The following NAA25 variants were observed in gnomAD, a reference collection of about 807,000 sequenced individuals.
The protein encoded by NAA25 is N-alpha-acetyltransferase 25, NatB auxiliary subunit, also known as N-terminal acetyltransferase B complex subunit NAA25.
In NAA25, 30 loss-of-function variants were observed where a neutral mutation model predicts 132.5. The ratio of observed to expected loss-of-function variants is 0.23; its 90% CI spans 0.17 to 0.31. The LOEUF (loss-of-function observed/expected upper bound fraction) is 0.31. NAA25 is among the 10% of genes least tolerant of loss of function. The probability of loss-of-function intolerance (pLI) is 1.00; values close to 1 mark genes in which losing one functional copy is unlikely to be tolerated. For missense variants in NAA25, 771 were observed against 1,150.4 expected (o/e 0.67, Z 4.77); for synonymous variants, 359 against 401.9 (o/e 0.89, Z 1.28).
intron 1 of NAA25, among the ~76,000 whole-genome samples, chr12:112,094,248 A>C (rs2079181237): frequency 7.5e-6 from 1 of 132,556 alleles, no homozygotes; most frequent in Non-Finnish European, 1.7e-5. Flanking sequence ...CTCAAAAAAA[A>C]AAAAAAAAAA....
At chr12:112,087,897 CATT>C in intron 3 of NAA25, 96 bp from the exon 4 acceptor site, 2 of 762,160 alleles carry the variant, frequency 2.6e-6, no homozygotes, top group South Asian at 1.6e-5. Context: ...TGTCTCCTAT[CATT>C]ATAGAAGAAG....
At chr12:112,086,096 AC>A (rs1318778207) in intron 4 of NAA25, among the ~76,000 whole-genome samples, 3 of 133,404 alleles carry the variant, frequency 2.2e-5, no homozygotes, top group African/African-American at 9.1e-5. Context: ...ACACACACAC[AC>A]ACACACCCAT....
At chr12:112,083,366 G>A (rs542937922) in intron 4 of NAA25, among the ~76,000 whole-genome samples, 26 of 152,216 alleles carry the variant, frequency 1.7e-4, no homozygotes, top group African/African-American at 5.8e-4. Context: ...TTAACTGGGC[G>A]TGGTGGTGGG....
At chr12:112,053,693 G>A (rs1230405297) in intron 14 of NAA25, 36 bp from the exon 15 acceptor site, 1 of 1,464,690 alleles carries the variant, frequency 6.8e-7, no homozygotes, top group Non-Finnish European at 9.5e-7. Flanking sequence ...AAAAAGACAT[G>A]TTATACTTAC....
intron 17 of NAA25, 85 bp downstream of exon 17, chr12:112,047,580 G>A: frequency 6.8e-7 from 1 of 1,479,064 alleles, no homozygotes; most frequent in Non-Finnish European, 9.2e-7. Flanking sequence ...GTTCGAAGCT[G>A]CAGTGAGCTA....
chr12:112,030,269 C>T (rs1233966811), intron 23 of NAA25, among the ~76,000 whole-genome samples: 1 of 134,420 alleles, frequency 7.4e-6, no homozygotes, highest in African/African-American at 2.7e-5. Context: ...CTGATCACTA[C>T]TTTTTAATCA....
chr12:112,057,259 TACTTTC>T (rs1202454957), intron 13 of NAA25, among the ~76,000 whole-genome samples: 2 of 152,176 alleles, frequency 1.3e-5, no homozygotes, highest in Non-Finnish European at 2.9e-5. Context: ...TTGTGTAAAG[TACTTTC>T]ACATGCCTAA....
intron 16 of NAA25, among the ~76,000 whole-genome samples, 166 bp from the exon 17 acceptor site, chr12:112,047,956 A>G (rs560775491): frequency 3.3e-5 from 5 of 152,348 alleles, no homozygotes; most frequent in African/African-American, 1.2e-4. Flanking sequence ...CTACATGGCA[A>G]GAAAAAGGCT....
intron 23 of NAA25, among the ~76,000 whole-genome samples, chr12:112,030,056 T>C (rs1471494852): frequency 6.6e-6 from 1 of 151,536 alleles, no homozygotes; most frequent in Admixed American, 6.6e-5. Flanking sequence ...CTACTAAAAA[T>C]ACAAAACTTA....
At chr12:112,088,567 CT>C (rs1279851475) in intron 3 of NAA25, among the ~76,000 whole-genome samples, 1 of 151,122 alleles carries the variant, frequency 6.6e-6, no homozygotes, top group South Asian at 2.1e-4. Context: ...ATGTAGTATA[CT>C]GTCTAGTGAT....
At chr12:112,058,651 G>A (rs1037224920) in intron 13 of NAA25, among the ~76,000 whole-genome samples, 4 of 152,316 alleles carry the variant, frequency 2.6e-5, no homozygotes, top group Middle Eastern at 3.4e-3. Flanking sequence ...AAGGCTGGGT[G>A]CAGTGGCTCA....
chr12:112,080,939 G>A lies in NAA25; in HGVS notation c.477+121C>T, dbSNP rs985482168. On this transcript the variant is annotated intron_variant, in intron 5 of 23. Coordinates refer to ENST00000261745, the MANE Select transcript of NAA25 (RefSeq NM_024953.4). ...GCTATGATTGCACCACTGCACTCCT[G>A]CCTGGGTGACAGCGTGACCCTGTCT... The A allele has an allele frequency of 4.8e-6, 4 of 840,234 alleles. No individual in the cohort carries two copies. In the African/African-American group the frequency reaches 5.1e-5, roughly 11 times the overall value. The allele number at this position is 840,234 out of a possible 1,614,324, so 52.0% of individuals were successfully genotyped here.
At chr12:112,098,810 T>C (rs1045524793) in intron 1 of NAA25, among the ~76,000 whole-genome samples, 1 of 152,058 alleles carries the variant, frequency 6.6e-6, no homozygotes, top group Non-Finnish European at 1.5e-5. Flanking sequence ...CAGGCTAGAG[T>C]GCAGTTGCGC....
intron 1 of NAA25, among the ~76,000 whole-genome samples, chr12:112,100,535 C>G (rs2079278400): frequency 1.3e-5 from 2 of 151,928 alleles, no homozygotes; most frequent in African/African-American, 4.8e-5. Flanking sequence ...CACACCTTAT[C>G]ACTCTACTCC....
intron 10 of NAA25, among the ~76,000 whole-genome samples, chr12:112,069,896 G>A (rs1354656356): frequency 2.6e-5 from 4 of 151,926 alleles, no homozygotes; most frequent in Non-Finnish European, 5.9e-5. Context: ...GGGAGGCCAA[G>A]GTAGGGAGAT....
intron 22 of NAA25, among the ~76,000 whole-genome samples, chr12:112,038,516 C>T (rs1341779409): frequency 6.6e-6 from 1 of 152,070 alleles, no homozygotes; most frequent in Non-Finnish European, 1.5e-5. Flanking sequence ...AATTGATAAT[C>T]CAGGTAAAGA....
At chr12:112,042,512 T>A (rs552407344) in intron 19 of NAA25, among the ~76,000 whole-genome samples, 20 of 151,278 alleles carry the variant, frequency 1.3e-4, no homozygotes, top group East Asian at 3.9e-4. Context: ...TATTTTTATT[T>A]TTTTTTTTTT....
chr12:112,049,433 G>A lies in NAA25; in HGVS notation c.1729-990C>T, dbSNP rs781170379. ...TCAGCTCTGCCCCCATCTCCATTACGTCTGAATAATTTGCCCAGTAGGAAA... is the reference window on the plus strand; with the variant it reads ...TCAGCTCTGCCCCCATCTCCATTACATCTGAATAATTTGCCCAGTAGGAAA... On this transcript the variant is annotated intron_variant, in intron 15 of 23. Coordinates refer to ENST00000261745, the MANE Select transcript of NAA25 (RefSeq NM_024953.4). The surrounding 1 kb of genome is among the most constrained non-coding windows in gnomAD (Gnocchi z 4.7). The A allele has an allele frequency of 1.4e-4, 139 of 984,136 alleles. No homozygotes were observed. The highest frequency in any genetic ancestry group is 5.2e-4 in the Middle Eastern group (1 of 1,932). The allele number at this position is 984,136 out of a possible 1,614,324, so 61.0% of individuals were successfully genotyped here.
chr12:112,067,023 A>T (rs1425793664), intron 11 of NAA25, among the ~76,000 whole-genome samples: 1 of 152,118 alleles, frequency 6.6e-6, no homozygotes, highest in African/African-American at 2.4e-5. Flanking sequence ...CCAACATGGT[A>T]AAACCCCATC....
Sources: gnomAD v4.1 joint callset for allele counts (sites outside exome capture counted in the v4.1 genomes callset) on GRCh38, gnomAD v4.1.1 for gene constraint, Gnocchi (gnomAD v3.1) non-coding constraint, MANE v1.5 for transcripts, NCBI Gene and HGNC (gene_info 2026-07-23, HGNC 2026-07-21) for gene names.